The following TCF4 variants were observed in gnomAD, a reference collection of about 807,000 sequenced individuals.
TCF4 encodes the protein transcription factor 4, also known as SL3-3 enhancer factor 2.
Under a neutral mutation model 82.1 loss-of-function variants are expected in TCF4, and 3 were observed. The observed-to-expected ratio is 0.04, with a 90% CI of 0.02 to 0.09. The LOEUF is 0.09. Among genes scored for constraint, TCF4 ranks in the 10% least tolerant of loss-of-function variants. The probability of loss-of-function intolerance (pLI) is 1.00; values close to 1 mark genes in which losing one functional copy is unlikely to be tolerated. For missense variants in TCF4, 518 were observed against 852.7 expected (o/e 0.61, Z 4.89); for synonymous variants, 276 against 309.6 (o/e 0.89, Z 1.14).
chr18:55,628,840 C>A (rs1484744490), intron 2 of TCF4, among the ~76,000 whole-genome samples: 1 of 152,182 alleles, frequency 6.6e-6, no homozygotes, highest in Non-Finnish European at 1.5e-5. Flanking sequence ...TTGAGGCTGA[C>A]AAACGGACAT....
chr18:55,252,710 C>A (rs774998008), intron 15 of TCF4, among the ~76,000 whole-genome samples: 5 of 152,146 alleles, frequency 3.3e-5, no homozygotes, highest in African/African-American at 4.8e-5. Flanking sequence ...CATGTTACAT[C>A]CGTTTAACAT....
intron 5 of TCF4, among the ~76,000 whole-genome samples, chr18:55,424,082 G>A (rs756104880): frequency 7.2e-5 from 11 of 152,058 alleles, no homozygotes; most frequent in Non-Finnish European, 1.6e-4. Flanking sequence ...GCTTGGCTGC[G>A]GCACCCCAAC....
chr18:55,452,349 T>G (rs901477257), intron 5 of TCF4, among the ~76,000 whole-genome samples: 3 of 152,202 alleles, frequency 2.0e-5, no homozygotes, highest in African/African-American at 7.2e-5. Flanking sequence ...AATAGAGGGT[T>G]TTCTCCCCTA....
chr18:55,549,520 T>C (rs931135414), intron 3 of TCF4, among the ~76,000 whole-genome samples: 2 of 152,170 alleles, frequency 1.3e-5, no homozygotes, highest in Non-Finnish European at 2.9e-5. Flanking sequence ...AAACTTCTTG[T>C]CACAAACAAA....
At chr18:55,290,797 G>A (rs940003919) in intron 8 of TCF4, among the ~76,000 whole-genome samples, 3 of 151,934 alleles carry the variant, frequency 2.0e-5, no homozygotes, top group African/African-American at 7.3e-5. Flanking sequence ...TTGAAGAGTC[G>A]ACATTCAAGC....
intron 5 of TCF4, among the ~76,000 whole-genome samples, chr18:55,449,048 G>A (rs2095576255): frequency 1.3e-5 from 2 of 152,102 alleles, no homozygotes; most frequent in Admixed American, 6.5e-5. Context: ...TTTATTTCAG[G>A]AGAAACAAAA....
rs546358731 is a variant in TCF4, at chr18:55,403,232, A to G, written c.369+222T>C. ...TACCGGCTGATGGATTAAAAAATAA[A>G]AACAAGCCCATGAATGTAGTTCTGA... On this transcript the variant is annotated intron_variant, in intron 6 of 19. Transcript: ENST00000354452. Among the ~76,000 whole-genome samples, 7 of 152,300 alleles carry G rather than the reference A, an allele frequency of 4.6e-5. No individual in the cohort carries two copies. The South Asian group carries it at 1.4e-3, about 32-fold the overall frequency.
At chr18:55,519,474 A>C (rs2096915372) in intron 3 of TCF4, among the ~76,000 whole-genome samples, 1 of 151,510 alleles carries the variant, frequency 6.6e-6, no homozygotes, top group Non-Finnish European at 1.5e-5. Flanking sequence ...TCTAATGTTG[A>C]GAAACCATTG....
At chr18:55,430,053 G>A (rs1329062616) in intron 5 of TCF4, among the ~76,000 whole-genome samples, 3 of 152,068 alleles carry the variant, frequency 2.0e-5, no homozygotes, top group Admixed American at 1.3e-4. Context: ...TAAATGTTAC[G>A]TGGTATATTT....
chr18:55,381,793 G>C (rs1250926963), intron 6 of TCF4, among the ~76,000 whole-genome samples: 3 of 152,092 alleles, frequency 2.0e-5, no homozygotes, highest in Non-Finnish European at 2.9e-5. Flanking sequence ...AGGCTACCCA[G>C]GTTCTATCTA....
chr18:55,622,087 A>C (rs1024162998), intron 2 of TCF4, among the ~76,000 whole-genome samples: 1 of 140,448 alleles, frequency 7.1e-6, no homozygotes, highest in African/African-American at 2.7e-5. Context: ...ATATATACAC[A>C]CTATTATTTA....
chr18:55,598,204 A>G (rs983588381), intron 2 of TCF4, among the ~76,000 whole-genome samples: 1 of 152,220 alleles, frequency 6.6e-6, no homozygotes, highest in Non-Finnish European at 1.5e-5. Flanking sequence ...GAATCTGGAA[A>G]GAAAAGTGGT....
chr18:55,529,139 T>C (rs2097028295), intron 3 of TCF4, among the ~76,000 whole-genome samples: 1 of 152,134 alleles, frequency 6.6e-6, no homozygotes, highest in Non-Finnish European at 1.5e-5. Context: ...GATCGTGCCA[T>C]TGCACTTCAG....
intron 2 of TCF4, chr18:55,585,926 C>G (rs776666932): frequency 8.0e-7 from 1 of 1,254,542 alleles, no homozygotes; most frequent in East Asian, 3.5e-5. Context: ...TATTTCGACC[C>G]TAATTGGTTT....
At chr18:55,248,289 A>G (rs1169178524) in intron 15 of TCF4, among the ~76,000 whole-genome samples, 1 of 152,270 alleles carries the variant, frequency 6.6e-6, no homozygotes, top group Non-Finnish European at 1.5e-5. Flanking sequence ...ACAAGATAGT[A>G]GCTATTAAAA....
At chr18:55,307,205 A>G (rs1038366351) in intron 8 of TCF4, among the ~76,000 whole-genome samples, 7 of 152,270 alleles carry the variant, frequency 4.6e-5, no homozygotes, top group Non-Finnish European at 8.8e-5. Context: ...TCAAGATGTA[A>G]GATATAAGAA....
At chr18:55,301,013 CT>C (rs1256263934) in intron 8 of TCF4, among the ~76,000 whole-genome samples, 1 of 152,162 alleles carries the variant, frequency 6.6e-6, no homozygotes, top group East Asian at 1.9e-4. Context: ...AATGACCCCC[CT>C]GGTCCCTCAG....
intron 5 of TCF4, among the ~76,000 whole-genome samples, chr18:55,418,342 AT>A (rs1339842983): frequency 1.3e-5 from 2 of 151,896 alleles, no homozygotes; most frequent in East Asian, 1.9e-4. Flanking sequence ...TTATGAACAC[AT>A]TTTTTTCTGG....
At chr18:55,551,505 G>A (rs759274587) in intron 3 of TCF4, 2 of 152,426 alleles carry the variant, frequency 1.3e-5, no homozygotes, top group African/African-American at 2.4e-5. Context: ...CAACCTCAAC[G>A]GCCTGACTCC....
Sources: gnomAD v4.1 joint callset for allele counts (sites outside exome capture counted in the v4.1 genomes callset) on GRCh38, gnomAD v4.1.1 for gene constraint, MANE v1.5 for transcripts, NCBI Gene and HGNC (gene_info 2026-07-23, HGNC 2026-07-21) for gene names.